The following ABHD14A variants were observed in gnomAD, a reference collection of about 807,000 sequenced individuals.
ABHD14A encodes the protein protein ABHD14A.
A neutral mutation model predicts 27.0 loss-of-function variants in ABHD14A; 19 were observed. That is an observed-to-expected ratio of 0.70 (90% CI 0.49 to 1.03). The LOEUF is 1.03. ABHD14A is among the 50% of genes least tolerant of loss of function. The probability of loss-of-function intolerance (pLI) is 0.00; values close to 1 mark genes in which losing one functional copy is unlikely to be tolerated. For synonymous variants in ABHD14A, 148 were observed against 158.8 expected, an observed-to-expected ratio of 0.93 and a Z score of 0.51; for missense variants, 311 against 344.6, an observed-to-expected ratio of 0.90 and a Z score of 0.77.
intron 1 of ABHD14A, among the ~76,000 whole-genome samples, chr3:51,975,465 GT>G (rs1395328212): frequency 9.4e-5 from 13 of 139,020 alleles, no homozygotes; most frequent in African/African-American, 2.9e-4. Context: ...TGGGGGGGGG[GT>G]GTGTTCGTTG....
chr3:51,978,887 C>T (rs767482548), intron 3 of ABHD14A: 22 of 292,114 alleles, frequency 7.5e-5, no homozygotes, highest in South Asian at 3.5e-4. Flanking sequence ...CCACTGCGCC[C>T]GGCCAAGCAG....
At chr3:51,980,123 C>T (rs774697906) in intron 3 of ABHD14A, 7 of 468,584 alleles carry the variant, frequency 1.5e-5, no homozygotes, top group East Asian at 4.8e-5. Flanking sequence ...GGAGTTTCAC[C>T]GTGTTAGCCA....
At chr3:51,979,488 G>T (rs866983661) in intron 3 of ABHD14A, among the ~76,000 whole-genome samples, 2,278 of 136,596 alleles carry the variant, frequency 0.017, 30 homozygotes, top group South Asian at 0.031. Context: ...TTTGTTTTTT[G>T]TTTTTTTTTT....
At chr3:51,977,078 C>T (rs1355945244) in intron 1 of ABHD14A, among the ~76,000 whole-genome samples, 1 of 152,200 alleles carries the variant, frequency 6.6e-6, no homozygotes, top group African/African-American at 2.4e-5. Context: ...TCCTCCCTGG[C>T]CCTGCAGCCC....
Position 51,980,393 on chromosome 3 carries a change from G to A in ABHD14A, c.398G>A (p.Gly133Asp), listed in dbSNP as rs1229032289. Residue 133 changes from glycine (G) to aspartate (D), a missense_variant and splice_region_variant, in exon 4 of 5, where the codon GGT becomes GAT. Physicochemically the swap from Gly to Asp is moderately conservative, Grantham distance 94. Coordinates refer to ENST00000273596, the MANE Select transcript of ABHD14A (RefSeq NM_015407.5). ...AGCTGGTACCTGCTGCTGTTCCTAG[G>A]TTTTGGGAACTCGGCACCTTCAAAG... ...GYRAVALDLP[G>D]FGNSAPSKEA... 1.9e-6 allele frequency: 3 copies of A among 1,613,918 alleles called. No homozygotes were observed. The South Asian group carries it at 3.3e-5, about 18-fold the overall frequency.
intron 1 of ABHD14A, among the ~76,000 whole-genome samples, chr3:51,977,620 C>T (rs762285291): frequency 1.3e-5 from 2 of 152,236 alleles, no homozygotes; most frequent in Non-Finnish European, 2.9e-5. Context: ...ATGATGGTGG[C>T]GGTCACTGAG....
At chr3:51,980,360 T>C (rs371968376) in intron 3 of ABHD14A, 33 bp from the exon 4 acceptor site, 219 of 1,605,462 alleles carry the variant, frequency 1.4e-4, no homozygotes, top group Non-Finnish European at 1.8e-4. Context: ...CCCTTCCCAG[T>C]GCCCCTCAGC....
rs914181371 is a variant in ABHD14A at position 51,978,254 on chromosome 3, T to G, written c.282-5T>G. 3.9e-6 allele frequency: 6 copies of G among 1,548,788 alleles called. No homozygotes were observed. Among genetic ancestry groups the G allele is most frequent in the Non-Finnish European group, 5.2e-6 (6 of 1,144,534 alleles). ...CAGCAAACACATTCCCCTGTGTGCC[T>G]GCAGGGTGGAGGTGGTGCTGCTTCA... On this transcript the variant is annotated splice_region_variant and splice_polypyrimidine_tract_variant and intron_variant, in intron 2 of 4. Transcript: ENST00000273596.
Position 51,981,092 on chromosome 3 carries a change from G to T in ABHD14A, c.*74G>T. The T allele has an allele frequency of 6.5e-7, 1 of 1,531,874 alleles. No homozygotes were observed. Among genetic ancestry groups the T allele is most frequent in the Non-Finnish European group, 8.9e-7 (1 of 1,123,236 alleles). The allele number at this position is 1,531,874 out of a possible 1,614,324, so 94.9% of individuals were successfully genotyped here. ...ACCGCCACCCTCCCTGAACCAGGGA[G>T]ACAGCCTCTGGGATTGGAGGCCAGA... On this transcript the variant is annotated 3_prime_UTR_variant, in exon 5 of 5. Transcript: ENST00000273596.
chr3:51,978,019 G>A lies in ABHD14A; in HGVS notation c.218G>A (p.Gly73Asp), dbSNP rs772723513. Residue 73 changes from glycine (G) to aspartate (D), a missense_variant, in exon 2 of 5, where the codon GGT becomes GAT. Coordinates refer to ENST00000273596, the MANE Select transcript of ABHD14A (RefSeq NM_015407.5). Reference sequence around the variant, plus strand: ...GACCCCAATGTCACAGTCCTGGCTGGTCTCACCCCTGGCAACTCGCCCATC... The same window carrying A: ...GACCCCAATGTCACAGTCCTGGCTGATCTCACCCCTGGCAACTCGCCCATC... The part of the protein sequence containing the change: ...WGDPNVTVLA[G>D]LTPGNSPIFY... 8.7e-6 allele frequency: 14 copies of A among 1,614,078 alleles called. No homozygotes were observed. The highest frequency in any genetic ancestry group is 5.9e-6 in the Non-Finnish European group (7 of 1,180,034).
At chr3:51,978,125 G>A in intron 2 of ABHD14A, 43 bp downstream of exon 2, 1 of 1,587,868 alleles carries the variant, frequency 6.3e-7, no homozygotes, top group Non-Finnish European at 8.6e-7. Context: ...CTAGGCTCAA[G>A]GGGAGTCCCT....
chr3:51,977,956 T>C lies in ABHD14A; in HGVS notation c.155T>C (p.Leu52Pro). ...CTCATGCTCCTACTGTATGTGGGGC[T>C]GCCAGGCCCCCCTGAGCAGACTTCC... ...LLLMLLLYVGLPGPPEQTSCL... is the reference protein window; with the variant it reads ...LLLMLLLYVGPPGPPEQTSCL... Residue 52 changes from leucine (L) to proline (P), a missense_variant, in exon 2 of 5, where the codon CTG becomes CCG. Coordinates refer to ENST00000273596, the MANE Select transcript of ABHD14A (RefSeq NM_015407.5). 6.2e-7 allele frequency: 1 copy of C among 1,614,136 alleles called. No homozygotes were observed.
chr3:51,980,836 ACT>A lies in ABHD14A; in HGVS notation c.636_637del (p.Pro213AsnfsTer55). On this transcript the variant is annotated frameshift_variant and splice_region_variant, in exon 5 of 5. Transcript: ENST00000273596. LOFTEE classifies it high-confidence loss of function. ...CACAGCCCCCTGCCTTGCCCTGCAG[ACT>A]CCAACCCTTATCCTGTATGGAGAGC... ...YTQEQFWAVK[T>X]PTLILYGELD... The A allele has an allele frequency of 6.2e-7, 1 of 1,608,226 alleles. No homozygotes were observed. The highest frequency in any genetic ancestry group is 1.7e-4 in the Middle Eastern group (1 of 6,054).
chr3:51,975,287 GCAGAGTCCCGCGGAAGA>G, intron 1 of ABHD14A, 83 bp downstream of exon 1: 1 of 1,193,068 alleles, frequency 8.4e-7, no homozygotes, highest in Non-Finnish European at 1.1e-6. Flanking sequence ...GCGCCCCGGG[GCAGAGTCCCGCGGAAGA>G]AGCAGACGCT....
chr3:51,976,606 C>G (rs946178651), intron 1 of ABHD14A, among the ~76,000 whole-genome samples: 8 of 152,140 alleles, frequency 5.3e-5, no homozygotes, highest in Non-Finnish European at 1.0e-4. Flanking sequence ...ACCCGGGAGG[C>G]GGAGGTTGCA....
Position 51,977,903 on chromosome 3 carries a change from G to C in ABHD14A, c.102G>C (p.Gln34His), listed in dbSNP as rs1345509777. The C allele has an allele frequency of 6.2e-7, 1 of 1,613,930 alleles. No homozygotes were observed. The highest frequency in any genetic ancestry group is 8.5e-7 in the Non-Finnish European group (1 of 1,179,992). The change falls in exon 2 of 5, where the codon CAG becomes CAC. Residue 34 changes from glutamine (Q) to histidine (H), a missense_variant. Physicochemically the swap from Gln to His is conservative, Grantham distance 24 (BLOSUM62 0). Coordinates refer to ENST00000273596, the MANE Select transcript of ABHD14A (RefSeq NM_015407.5). ...TACAGACCTCCATGAGCCGGTCCCA[G>C]GTAGCCCTGCTGGGCCTGAGTCTGC... ...TVVQTSMSRSQVALLGLSLLL... is the reference protein window; with the variant it reads ...TVVQTSMSRSHVALLGLSLLL...
In ABHD14A at chr3:51,978,249, G is replaced by C. The variant is rs75627697; in HGVS notation, c.282-10G>C. ...GTTCCCAGCAAACACATTCCCCTGT[G>C]TGCCTGCAGGGTGGAGGTGGTGCTG... On this transcript the variant is annotated splice_polypyrimidine_tract_variant and intron_variant, in intron 2 of 4. Coordinates refer to ENST00000273596, the MANE Select transcript of ABHD14A (RefSeq NM_015407.5). The C allele has an allele frequency of 5.9e-3, 9,136 of 1,547,650 alleles. 396 individuals carry two copies. In the African/African-American group the frequency reaches 0.097, roughly 16 times the overall value.
At chr3:51,975,331 A>C (rs980557553) in intron 1 of ABHD14A, 127 bp downstream of exon 1, 3 of 875,706 alleles carry the variant, frequency 3.4e-6, no homozygotes, top group Non-Finnish European at 4.5e-6. Flanking sequence ...GCGAATGTGC[A>C]TGTGCGCGCG....
intron 1 of ABHD14A, among the ~76,000 whole-genome samples, chr3:51,976,624 G>A (rs1198537883): frequency 6.6e-6 from 1 of 152,170 alleles, no homozygotes; most frequent in Non-Finnish European, 1.5e-5. Context: ...GCAGTGAGCC[G>A]AGATTGTACC....
Sources: allele counts gnomAD v4.1 joint callset (sites outside exome capture counted in the v4.1 genomes callset), GRCh38; gene constraint gnomAD v4.1.1; transcripts MANE v1.5; gene names NCBI Gene and HGNC (gene_info 2026-07-23, HGNC 2026-07-21).